Variants in ADGRB3 observed in about 807,000 individuals in gnomAD.
The protein encoded by ADGRB3 is brain-specific angiogenesis inhibitor 3.
Under a neutral mutation model 193.4 loss-of-function variants are expected in ADGRB3, and 37 were observed. The observed-to-expected ratio is 0.19, with a 90% CI of 0.15 to 0.25. The LOEUF is 0.25. Among genes scored for constraint, ADGRB3 ranks in the 10% least tolerant of loss-of-function variants. ADGRB3 has a pLI of 1.00. For missense variants in ADGRB3, 1,637 were observed against 1,852.9 expected (o/e 0.88, Z 2.14); for synonymous variants, 690 against 644.2 (o/e 1.07, Z -1.08).
chr6:68,724,997 CCTGTGGGAATG>C (rs1315591957), intron 3 of ADGRB3, among the ~76,000 whole-genome samples: 1 of 151,488 alleles, frequency 6.6e-6, no homozygotes, highest in Non-Finnish European at 1.5e-5. Context: ...ATTTATTAGA[CCTGTGGGAATG>C]CTACTGGGAG....
intron 29 of ADGRB3, among the ~76,000 whole-genome samples, chr6:69,371,961 G>A (rs1166326604): frequency 6.6e-6 from 1 of 152,066 alleles, no homozygotes. Context: ...GAATTTGGTA[G>A]GAAGGAAAAC....
chr6:69,308,496 T>A (rs1405582689), intron 20 of ADGRB3, among the ~76,000 whole-genome samples: 1 of 151,694 alleles, frequency 6.6e-6, no homozygotes, highest in Non-Finnish European at 1.5e-5. Context: ...GTTCGTACTT[T>A]GCATTTCCTA....
rs144808602 is a variant in ADGRB3 at position 68,840,709 on chromosome 6, A to G, written c.758-89850A>G. 5.3e-3 allele frequency among the ~76,000 whole-genome samples: 809 copies of G among 152,134 alleles called. 8 individuals are homozygous for G. The highest frequency in any genetic ancestry group is 0.018 in the African/African-American group (761 of 41,486). On this transcript the variant is annotated intron_variant, in intron 3 of 31. Coordinates refer to ENST00000370598, the MANE Select transcript of ADGRB3 (RefSeq NM_001704.3). ...CACAAAAACAAACAAACAAACAAAC[A>G]AAACAGAAATTAATAACAAAAAGGC... is the stretch of plus-strand genomic sequence containing the variant.
intron 3 of ADGRB3, among the ~76,000 whole-genome samples, chr6:68,810,490 G>C (rs1473359244): frequency 2.6e-5 from 4 of 152,194 alleles, no homozygotes; most frequent in South Asian, 2.1e-4. Flanking sequence ...GAAAACCACT[G>C]TGGTGAAACT....
chr6:69,246,645 T>C (rs1766504133), intron 20 of ADGRB3, among the ~76,000 whole-genome samples: 1 of 152,136 alleles, frequency 6.6e-6, no homozygotes, highest in African/African-American at 2.4e-5. Flanking sequence ...CACATTATTG[T>C]AAATAGGGCA....
At chr6:68,921,146 CAGAAG>C (rs1405503001) in intron 3 of ADGRB3, among the ~76,000 whole-genome samples, 1 of 151,892 alleles carries the variant, frequency 6.6e-6, no homozygotes, top group African/African-American at 2.4e-5. Context: ...TAAAATAAGA[CAGAAG>C]AGAAATGTTC....
chr6:68,823,453 ATTAT>A (rs1441950488), intron 3 of ADGRB3, among the ~76,000 whole-genome samples: 2 of 152,056 alleles, frequency 1.3e-5, no homozygotes, highest in Non-Finnish European at 2.9e-5. Context: ...CTAATATTCT[ATTAT>A]TTATTATAAC....
intron 3 of ADGRB3, among the ~76,000 whole-genome samples, chr6:68,839,311 T>C (rs483942): frequency 0.21 from 32,637 of 152,178 alleles, 4,056 homozygotes; most frequent in East Asian, 0.58. Context: ...AGTGTTGTAA[T>C]ATATTTTAAT....
In ADGRB3 at chr6:69,043,766, C is replaced by G. The variant is rs557346104; in HGVS notation, c.2108-4419C>G. Among the ~76,000 whole-genome samples the G allele has an allele frequency of 1.4e-3, 215 of 152,308 alleles. 1 individual carries two copies. The highest frequency in any genetic ancestry group is 5.1e-3 in the African/African-American group (211 of 41,576). ...TGTTACAGAAAAAGACATTGAGACA[C>G]AGAGAGTTTAGGCAATTTGCTCAGT... On this transcript the variant is annotated intron_variant, in intron 13 of 31. Transcript: ENST00000370598.
chr6:68,833,105 A>C (rs532014357), intron 3 of ADGRB3, among the ~76,000 whole-genome samples: 1 of 152,298 alleles, frequency 6.6e-6, no homozygotes, highest in Non-Finnish European at 1.5e-5. Context: ...AAACCAAAAT[A>C]ACCACATCCA....
At chr6:68,941,141 G>A (rs1438633175) in intron 5 of ADGRB3, among the ~76,000 whole-genome samples, 1 of 152,054 alleles carries the variant, frequency 6.6e-6, no homozygotes, top group African/African-American at 2.4e-5. Flanking sequence ...CATTTTAAAT[G>A]AACTAGACCA....
chr6:68,722,574 G>A (rs942601355), intron 3 of ADGRB3, among the ~76,000 whole-genome samples: 1 of 150,796 alleles, frequency 6.6e-6, no homozygotes, highest in Non-Finnish European at 1.5e-5. Context: ...CTTGGATATT[G>A]AGTCAATTTG....
chr6:68,652,968 C>T (rs939862000), intron 3 of ADGRB3, among the ~76,000 whole-genome samples: 2 of 152,204 alleles, frequency 1.3e-5, no homozygotes, highest in South Asian at 2.1e-4. Flanking sequence ...AGACTCCTAC[C>T]ATTCTGGGTT....
At chr6:69,331,638 A>C (rs1768733258) in intron 23 of ADGRB3, 28 of 985,382 alleles carry the variant, frequency 2.8e-5, no homozygotes, top group Non-Finnish European at 3.4e-5. Context: ...GGAAATCAAA[A>C]CTATTAGACA....
intron 17 of ADGRB3, among the ~76,000 whole-genome samples, chr6:69,120,999 C>CTTTTTTTTT (rs36095516): frequency 8.1e-6 from 1 of 123,566 alleles, no homozygotes; most frequent in Non-Finnish European, 1.7e-5. Flanking sequence ...ATGCAGTTAT[C>CTTTTTTTTT]TTTTTTTTTT....
chr6:68,887,093 A>C (rs1169629888), intron 3 of ADGRB3, among the ~76,000 whole-genome samples: 1 of 151,926 alleles, frequency 6.6e-6, no homozygotes, highest in East Asian at 1.9e-4. Flanking sequence ...ACACATACAT[A>C]TATGTGGGTA....
At chr6:68,978,664 G>T (rs557487888) in intron 10 of ADGRB3, among the ~76,000 whole-genome samples, 1 of 151,544 alleles carries the variant, frequency 6.6e-6, no homozygotes, top group East Asian at 1.9e-4. Context: ...GTCATGCTTT[G>T]TCTAAGTAGC....
At chr6:69,307,043 G>A (rs924691316) in intron 20 of ADGRB3, among the ~76,000 whole-genome samples, 2 of 151,082 alleles carry the variant, frequency 1.3e-5, no homozygotes, top group East Asian at 2.0e-4. Context: ...TGCCCAATAC[G>A]TTATAGTAGC....
chr6:69,238,027 T>G (rs1214703663), intron 19 of ADGRB3, among the ~76,000 whole-genome samples: 1 of 152,116 alleles, frequency 6.6e-6, no homozygotes, highest in Non-Finnish European at 1.5e-5. Flanking sequence ...TTATTCTTAC[T>G]TTTGTGTTCT....
Sources: allele counts gnomAD v4.1 joint callset (sites outside exome capture counted in the v4.1 genomes callset), GRCh38; gene constraint gnomAD v4.1.1; transcripts MANE v1.5; gene names NCBI Gene and HGNC (gene_info 2026-07-23, HGNC 2026-07-21).